EXD3: variants seen among roughly 807,000 people sequenced by gnomAD.
The protein encoded by EXD3 is exonuclease 3'-5' domain containing 3.
A neutral mutation model predicts 98.0 loss-of-function variants in EXD3; 92 were observed. The observed-to-expected ratio is 0.94, with a 90% CI of 0.79 to 1.12. The LOEUF is 1.12. Among genes scored for constraint, EXD3 ranks in the 50% most tolerant of loss-of-function variants. The pLI is 0.00. For synonymous variants in EXD3, 569 were observed against 526.0 expected (o/e 1.08, Z -1.12); for missense variants, 1,222 against 1,191.6 (o/e 1.03, Z -0.38).
At chr9:137,369,020 TGTGGGGAGGG>T (rs1835438671) in intron 5 of EXD3, among the ~76,000 whole-genome samples, 1 of 48,794 alleles carries the variant, frequency 2.0e-5, no homozygotes, top group African/African-American at 8.5e-5. Context: ...CTCAGAGCCG[TGTGGGGAGGG>T]GCGCAGGGTC....
chr9:137,358,727 C>T (rs1588344824), intron 7 of EXD3, among the ~76,000 whole-genome samples: 2 of 152,244 alleles, frequency 1.3e-5, no homozygotes, highest in East Asian at 3.9e-4. Context: ...CTCACTCTGT[C>T]CCCCAGGCTG....
Position 137,395,243 on chromosome 9 carries a change from C to T in EXD3, c.55+60G>A. 6.9e-7 allele frequency: 1 copy of T among 1,438,976 alleles called. No homozygotes were observed. The highest frequency in any genetic ancestry group is 9.8e-7 in the Non-Finnish European group (1 of 1,022,448). 89.1% of individuals were successfully genotyped at this position (1,438,976 alleles called of 1,614,324 possible). On this transcript the variant is annotated intron_variant, in intron 2 of 21. Coordinates refer to ENST00000340951, the MANE Select transcript of EXD3 (RefSeq NM_017820.5). This position sits in a 1 kb window ranked among gnomAD's most constrained non-coding sequence, Gnocchi z 6.5. ...AGTGGGCGCCACCACCCCCCATGCA[C>T]ACCCACGCACCTCCCCCCACAGCCC...
In EXD3 at chr9:137,405,303, G is replaced by A. The variant is rs769923079; in HGVS notation, c.-47-9899C>T. On this transcript the variant is annotated intron_variant, in intron 1 of 21. Coordinates refer to ENST00000340951, the MANE Select transcript of EXD3 (RefSeq NM_017820.5). This position sits in a 1 kb window ranked among gnomAD's most constrained non-coding sequence, Gnocchi z 4.1. ...GTGGGCACCCAGGGCCAGAGCAGGG[G>A]CCAGAGCCCCAACCCCCGCTGCTTC... 1.3e-5 allele frequency among the ~76,000 whole-genome samples: 2 copies of A among 152,220 alleles called. No homozygotes were observed. The highest frequency in any genetic ancestry group is 2.9e-5 in the Non-Finnish European group (2 of 68,030).
At position 137,395,434 on chromosome 9, in the gene EXD3, G is replaced by A; in HGVS notation, c.-47-30C>T. ...AGAAACAGACAATCAGGTGAATGCAGAGCCCACTGCAACAGGCAGCCATGC... is the reference window on the plus strand; with the variant it reads ...AGAAACAGACAATCAGGTGAATGCAAAGCCCACTGCAACAGGCAGCCATGC... On this transcript the variant is annotated intron_variant, in intron 1 of 21. Transcript: ENST00000340951. This position sits in a 1 kb window ranked among gnomAD's most constrained non-coding sequence, Gnocchi z 6.5. 6.2e-7 allele frequency: 1 copy of A among 1,603,354 alleles called. No individual in the cohort carries two copies. The highest frequency in any genetic ancestry group is 1.1e-5 in the South Asian group (1 of 90,396).
At chr9:137,418,305 GC>G (rs755594758) in intron 1 of EXD3, among the ~76,000 whole-genome samples, 3 of 152,198 alleles carry the variant, frequency 2.0e-5, no homozygotes, top group African/African-American at 4.8e-5. Flanking sequence ...AGCCGAGACT[GC>G]GCCACTGCAC....
At chr9:137,343,751 G>A (rs1250361236) in intron 17 of EXD3, among the ~76,000 whole-genome samples, 1 of 150,544 alleles carries the variant, frequency 6.6e-6, no homozygotes, top group Non-Finnish European at 1.5e-5. Flanking sequence ...ACCATGCCCG[G>A]CTACTTTTTT....
At position 137,404,669 on chromosome 9, in the gene EXD3, T is replaced by C. The variant is rs558443003; in HGVS notation, c.-47-9265A>G. Among the ~76,000 whole-genome samples, 274 of 152,330 alleles carry C rather than the reference T, an allele frequency of 1.8e-3. 1 individual carries two copies. The highest frequency in any genetic ancestry group is 3.2e-3 in the Non-Finnish European group (215 of 68,034). On this transcript the variant is annotated intron_variant, in intron 1 of 21. Coordinates refer to ENST00000340951, the MANE Select transcript of EXD3 (RefSeq NM_017820.5). The stretch of plus-strand genomic sequence containing the variant: ...TGAGGTCGGGAGTTCGAGACCAGCC[T>C]GACCAACATGGAGAAACCCCATTTC...
chr9:137,382,191 G>T (rs1836346318), intron 3 of EXD3, among the ~76,000 whole-genome samples: 1 of 151,970 alleles, frequency 6.6e-6, no homozygotes, highest in Non-Finnish European at 1.5e-5. Context: ...AGGGCGCGCG[G>T]AGGAGGTGAG....
intron 7 of EXD3, 62 bp from the exon 8 acceptor site, chr9:137,356,430 C>T (rs1178875231): frequency 7.2e-6 from 8 of 1,118,568 alleles, no homozygotes; most frequent in Non-Finnish European, 1.1e-5. Context: ...TTAAGATTTT[C>T]ATTTTCATCA....
chr9:137,373,337 C>A, intron 4 of EXD3, 89 bp downstream of exon 4: 1 of 1,470,734 alleles, frequency 6.8e-7, no homozygotes, highest in Admixed American at 2.1e-5. Flanking sequence ...GAGCGGGCTG[C>A]AAAGGCCTGG....
chr9:137,307,651 C>G lies in EXD3; in HGVS notation c.2279-5G>C. On this transcript the variant is annotated splice_polypyrimidine_tract_variant and splice_region_variant and intron_variant, in intron 20 of 21. Transcript: ENST00000340951. ...GGCTCTGGGTGGCCTCGTCACCTGT[C>G]AGTCAAGGAAGAGAGCTGGTCCGGG... The G allele has an allele frequency of 6.2e-7, 1 of 1,609,380 alleles. No homozygotes were observed. Among genetic ancestry groups the G allele is most frequent in the Non-Finnish European group, 8.5e-7 (1 of 1,179,676 alleles).
intron 17 of EXD3, among the ~76,000 whole-genome samples, chr9:137,326,020 A>G (rs918576840): frequency 2.0e-5 from 3 of 149,466 alleles, no homozygotes; most frequent in African/African-American, 7.4e-5. Flanking sequence ...TCAAGGCTGC[A>G]GTGGGCCGTG....
intron 2 of EXD3, among the ~76,000 whole-genome samples, chr9:137,388,299 C>T (rs1164586190): frequency 1.3e-5 from 2 of 151,878 alleles, no homozygotes; most frequent in Non-Finnish European, 2.9e-5. Context: ...GCCAGGACGG[C>T]TCCACCATCT....
At chr9:137,345,527 T>G (rs558632609) in intron 17 of EXD3, among the ~76,000 whole-genome samples, 3 of 151,878 alleles carry the variant, frequency 2.0e-5, no homozygotes, top group African/African-American at 7.2e-5. Context: ...TTGGGTGTAG[T>G]GGCGAGCACC....
chr9:137,322,443 C>T (rs1181488473), intron 19 of EXD3, among the ~76,000 whole-genome samples: 5 of 144,006 alleles, frequency 3.5e-5, no homozygotes, highest in Admixed American at 6.9e-5. Context: ...CACCTCACCC[C>T]GGACCCACGA....
In EXD3 at chr9:137,336,275, C is replaced by T. The variant is rs972620929; in HGVS notation, c.1998+11796G>A. On this transcript the variant is annotated intron_variant, in intron 17 of 21. Coordinates refer to ENST00000340951, the MANE Select transcript of EXD3 (RefSeq NM_017820.5). The stretch of plus-strand genomic sequence containing the variant: ...TCCATGTAACCAAATGCCACTTGTA[C>T]CCCAAAAGCTATTGAAATATATGAA... Among the ~76,000 whole-genome samples the T allele has an allele frequency of 5.3e-5, 8 of 152,172 alleles. No individual in the cohort carries two copies. In the East Asian group the frequency reaches 1.3e-3, roughly 26 times the overall value.
At chr9:137,318,912 C>T (rs1486923498) in intron 19 of EXD3, among the ~76,000 whole-genome samples, 1 of 152,244 alleles carries the variant, frequency 6.6e-6, no homozygotes, top group African/African-American at 2.4e-5. Flanking sequence ...TCACTCCCTG[C>T]TGTGTGCCCA....
intron 1 of EXD3, among the ~76,000 whole-genome samples, chr9:137,396,399 C>T (rs1837218851): frequency 6.6e-6 from 1 of 152,212 alleles, no homozygotes; most frequent in South Asian, 2.1e-4. Flanking sequence ...TCACACACAG[C>T]AGTTACACAA....
At chr9:137,387,279 G>A (rs372718456) in intron 2 of EXD3, among the ~76,000 whole-genome samples, 8 of 152,172 alleles carry the variant, frequency 5.3e-5, no homozygotes, top group Admixed American at 1.3e-4. Context: ...GCCGGTGCAC[G>A]ATGGACACTC....
Sources: allele counts gnomAD v4.1 joint callset (sites outside exome capture counted in the v4.1 genomes callset), GRCh38; gene constraint gnomAD v4.1.1; non-coding constraint Gnocchi (gnomAD v3.1); transcripts MANE v1.5; gene names NCBI Gene and HGNC (gene_info 2026-07-23, HGNC 2026-07-21).